Variants in MT3 observed in about 807,000 individuals in gnomAD.
MT3 encodes the protein metallothionein 3, also known as metallothionein-3.
Under a neutral mutation model 10.9 loss-of-function variants are expected in MT3, and 8 were observed. The observed-to-expected ratio is 0.73, with a 90% CI of 0.43 to 1.33. The LOEUF is 1.33. MT3 is among the 40% of genes most tolerant of loss of function. The pLI is 0.01. For missense variants in MT3, 75 were observed against 83.9 expected (o/e 0.89, Z 0.41); for synonymous variants, 32 against 29.9 (o/e 1.07, Z -0.23).
Position 56,589,709 on chromosome 16 carries a change from A to G in MT3, c.31+88A>G, listed in dbSNP as rs552525241. The G allele has an allele frequency of 3.1e-5, 49 of 1,594,174 alleles. No individual in the cohort carries two copies. The South Asian group carries it at 4.7e-4, about 15-fold the overall frequency. On this transcript the variant is annotated intron_variant, in intron 1 of 2. Coordinates refer to ENST00000200691, the MANE Select transcript of MT3 (RefSeq NM_005954.4). ...ACGCCCTGCGCCTTCGCTCAAGGAC[A>G]CTTGGGGGAAGGGCCCCTGATTCCC...
rs770925338 is a variant in MT3 at position 56,590,990 on chromosome 16, G to T, written c.*41G>T. The T allele has an allele frequency of 7.6e-6, 12 of 1,569,416 alleles. No homozygotes were observed. In the South Asian group the frequency reaches 1.0e-4, roughly 13 times the overall value. On this transcript the variant is annotated 3_prime_UTR_variant, in exon 3 of 3. Transcript: ENST00000200691. ...TGTGGAGCACGTGGAGATAGTGCCA[G>T]GTGGCTCAGTGCCACCTATGCCTGT...
chr16:56,590,884 G>T lies in MT3; in HGVS notation c.142G>T (p.Asp48Tyr). The change falls in exon 3 of 3, where the codon GAC (aspartate) becomes TAC (tyrosine). Residue 48 changes from aspartate (D) to tyrosine (Y), a missense_variant. Physicochemically the swap from Asp to Tyr is radical, Grantham distance 160. Coordinates refer to ENST00000200691, the MANE Select transcript of MT3 (RefSeq NM_005954.4). ...TGCGGAGTGTGAGAAGTGTGCCAAG[G>T]ACTGTGTGTGCAAAGGCGGAGAGGC... is the stretch of plus-strand genomic sequence containing the variant. ...CPAECEKCAKDCVCKGGEAAE... is the reference protein window; with the variant it reads ...CPAECEKCAKYCVCKGGEAAE... 6.2e-7 allele frequency: 1 copy of T among 1,614,086 alleles called. No homozygotes were observed. The highest frequency in any genetic ancestry group is 8.5e-7 in the Non-Finnish European group (1 of 1,180,020).
chr16:56,589,787 A>T (rs1256924074), intron 1 of MT3, 83 bp from the exon 2 acceptor site: 26 of 1,583,262 alleles, frequency 1.6e-5, no homozygotes, highest in Non-Finnish European at 2.0e-5. Flanking sequence ...GAACAGGGAG[A>T]CTTGGCACCC....
In MT3 at chr16:56,591,008, A is replaced by G; in HGVS notation, c.*59A>G. ...AGTGCCAGGTGGCTCAGTGCCACCT[A>G]TGCCTGTGGTGAAGTGTGGCTGGTG... On this transcript the variant is annotated 3_prime_UTR_variant, in exon 3 of 3. Coordinates refer to ENST00000200691, the MANE Select transcript of MT3 (RefSeq NM_005954.4). 1 of 1,413,700 alleles carries G rather than the reference A, an allele frequency of 7.1e-7. No homozygotes were observed. The highest frequency in any genetic ancestry group is 9.9e-7 in the Non-Finnish European group (1 of 1,011,880). The allele number at this position is 1,413,700 out of a possible 1,614,324, so 87.6% of individuals were successfully genotyped here.
chr16:56,590,552 G>T, intron 2 of MT3: 1 of 500,266 alleles, frequency 2.0e-6, no homozygotes, highest in Non-Finnish European at 3.6e-6. Context: ...TTAAGGCCTA[G>T]TACCCACCTA....
At chr16:56,590,279 G>C in intron 2 of MT3, 1 of 600,126 alleles carries the variant, frequency 1.7e-6, no homozygotes, top group Non-Finnish European at 3.0e-6. Context: ...CAGCTCTGGA[G>C]TTCCGGTCCC....
At position 56,590,001 on chromosome 16, in the gene MT3, C is replaced by T. The variant is rs540772165; in HGVS notation, c.97+66C>T. ...GCTCTGCGGAGTCGGTGTCTCACCACGCAGGATGTGGAGAGACAGCCAGGC... is the reference window on the plus strand; with the variant it reads ...GCTCTGCGGAGTCGGTGTCTCACCATGCAGGATGTGGAGAGACAGCCAGGC... On this transcript the variant is annotated intron_variant, in intron 2 of 2. Coordinates refer to ENST00000200691, the MANE Select transcript of MT3 (RefSeq NM_005954.4). The T allele has an allele frequency of 1.2e-5, 19 of 1,554,210 alleles. No individual in the cohort carries two copies. The East Asian group carries it at 4.0e-4, about 33-fold the overall frequency.
At chr16:56,590,729 T>A (rs1445989151) in intron 2 of MT3, 111 bp from the exon 3 acceptor site, 11 of 1,056,638 alleles carry the variant, frequency 1.0e-5, no homozygotes, top group South Asian at 1.0e-4. Context: ...CGACTAGCCC[T>A]GGCTGAATGA....
chr16:56,590,464 A>C, intron 2 of MT3: 1 of 443,142 alleles, frequency 2.3e-6, no homozygotes. Flanking sequence ...GGCCCCTTAC[A>C]TCTGCACCAT....
In MT3 at chr16:56,591,042, C is replaced by T; in HGVS notation, c.*93C>T. ...GTGAAGTGTGGCTGGTGTCCCCTTCCCCTGCTGACCTTGGAGGAATGACAA... is the reference window on the plus strand; with the variant it reads ...GTGAAGTGTGGCTGGTGTCCCCTTCTCCTGCTGACCTTGGAGGAATGACAA... On this transcript the variant is annotated 3_prime_UTR_variant, in exon 3 of 3. Transcript: ENST00000200691. 4.0e-6 allele frequency: 4 copies of T among 993,066 alleles called. No individual in the cohort carries two copies. The highest frequency in any genetic ancestry group is 6.2e-6 in the Non-Finnish European group (4 of 642,960). 61.5% of individuals were successfully genotyped at this position (993,066 alleles called of 1,614,324 possible).
intron 1 of MT3, 26 bp from the exon 2 acceptor site, chr16:56,589,844 C>A (rs751285744): frequency 1.9e-6 from 3 of 1,613,382 alleles, no homozygotes; most frequent in South Asian, 2.2e-5. Flanking sequence ...CCACATTAAC[C>A]CTTCCTGTGG....
Position 56,589,850 on chromosome 16 carries a change from T to A in MT3, c.32-20T>A. 6.2e-7 allele frequency: 1 copy of A among 1,614,000 alleles called. No individual in the cohort carries two copies. The highest frequency in any genetic ancestry group is 8.5e-7 in the Non-Finnish European group (1 of 1,179,932). ...CGAGTTCGTCCACATTAACCCTTCC[T>A]GTGGCGTCGCCCTCTCTAGGTGGCT... is the stretch of plus-strand genomic sequence containing the variant. On this transcript the variant is annotated intron_variant, in intron 1 of 2. Transcript: ENST00000200691.
rs1381116960 is a variant in MT3 at position 56,590,916 on chromosome 16, G to A, written c.174G>A (p.Glu58=). 2 of 1,613,836 alleles carry A rather than the reference G, an allele frequency of 1.2e-6. No individual in the cohort carries two copies. Among genetic ancestry groups the A allele is most frequent in the Non-Finnish European group, 1.7e-6 (2 of 1,179,994 alleles). The change falls in exon 3 of 3, where the codon GAG becomes GAA. Residue 58 remains glutamate, a synonymous_variant. Transcript: ENST00000200691. Reference sequence around the variant, plus strand: ...TGTGCAAAGGCGGAGAGGCAGCTGAGGCAGAAGCAGAGAAGTGCAGCTGCT... The same window carrying A: ...TGTGCAAAGGCGGAGAGGCAGCTGAAGCAGAAGCAGAGAAGTGCAGCTGCT... The part of the protein sequence containing the change: ...DCVCKGGEAA[E]AEAEKCSCCQ
rs2066841 is a variant in MT3, at chr16:56,590,999, G to T, written c.*50G>T. 1,423 of 1,513,432 alleles carry T rather than the reference G, an allele frequency of 9.4e-4. 10 individuals carry two copies. In the African/African-American group the frequency reaches 0.018, roughly 19 times the overall value. 93.8% of individuals were successfully genotyped at this position (1,513,432 alleles called of 1,614,324 possible). A position where few individuals can be genotyped will look rare whatever the true frequency, so the allele number is the denominator to read the frequency against. On this transcript the variant is annotated 3_prime_UTR_variant, in exon 3 of 3. Transcript: ENST00000200691. Reference sequence around the variant, plus strand: ...CGTGGAGATAGTGCCAGGTGGCTCAGTGCCACCTATGCCTGTGGTGAAGTG... The same window carrying T: ...CGTGGAGATAGTGCCAGGTGGCTCATTGCCACCTATGCCTGTGGTGAAGTG...
rs1567334825 is a variant in MT3 at position 56,590,900 on chromosome 16, G to A, written c.158G>A (p.Gly53Asp). Residue 53 changes from glycine (G) to aspartate (D), a missense_variant, in exon 3 of 3, where the codon GGC becomes GAC. Gly to Asp is a moderately conservative substitution (Grantham distance 94, BLOSUM62 -1). Coordinates refer to ENST00000200691, the MANE Select transcript of MT3 (RefSeq NM_005954.4). ...TGTGCCAAGGACTGTGTGTGCAAAG[G>A]CGGAGAGGCAGCTGAGGCAGAAGCA... Reference protein sequence around the residue: ...EKCAKDCVCKGGEAAEAEAEK... With the variant: ...EKCAKDCVCKDGEAAEAEAEK... 6 of 1,614,076 alleles carry A rather than the reference G, an allele frequency of 3.7e-6. No individual in the cohort carries two copies. In the South Asian group the frequency reaches 5.5e-5, roughly 15 times the overall value.
At chr16:56,590,017 A>G in intron 2 of MT3, 82 bp downstream of exon 2, 2 of 1,469,376 alleles carry the variant, frequency 1.4e-6, no homozygotes, top group South Asian at 2.3e-5. Context: ...ATGTGGAGAG[A>G]CAGCCAGGCC....
chr16:56,589,859 G>T lies in MT3; in HGVS notation c.32-11G>T. On this transcript the variant is annotated splice_polypyrimidine_tract_variant and intron_variant, in intron 1 of 2. Transcript: ENST00000200691. Reference sequence around the variant, plus strand: ...CCACATTAACCCTTCCTGTGGCGTCGCCCTCTCTAGGTGGCTCCTGCACCT... The same window carrying T: ...CCACATTAACCCTTCCTGTGGCGTCTCCCTCTCTAGGTGGCTCCTGCACCT... The T allele has an allele frequency of 6.2e-7, 1 of 1,613,976 alleles. No individual in the cohort carries two copies. The highest frequency in any genetic ancestry group is 1.1e-5 in the South Asian group (1 of 91,076).
chr16:56,589,972 C>T lies in MT3; in HGVS notation c.97+37C>T, dbSNP rs370591411. 3.1e-6 allele frequency: 5 copies of T among 1,608,298 alleles called. No homozygotes were observed. In the African/African-American group the frequency reaches 5.3e-5, roughly 17 times the overall value. On this transcript the variant is annotated intron_variant, in intron 2 of 2. Transcript: ENST00000200691. ...GACCCTTCCCCTCTGCCGCCGCCCC[C>T]TCTGCTCTGCGGAGTCGGTGTCTCA...
At chr16:56,590,251 A>T (rs1046624434) in intron 2 of MT3, 2 of 604,276 alleles carry the variant, frequency 3.3e-6, no homozygotes, top group East Asian at 2.7e-5. Flanking sequence ...TGGGGAAGCC[A>T]TTAGTGAGGC....
Sources: allele counts gnomAD v4.1 joint callset, GRCh38; gene constraint gnomAD v4.1.1; transcripts MANE v1.5; gene names NCBI Gene and HGNC (gene_info 2026-07-23, HGNC 2026-07-21).